Variants in DNER observed in about 807,000 individuals in gnomAD.
DNER encodes the protein delta and Notch-like epidermal growth factor-related receptor.
DNER carries 33 observed loss-of-function variants against 78.2 expected under a neutral mutation model. The ratio of observed to expected loss-of-function variants is 0.42; its 90% CI spans 0.32 to 0.56. DNER has a LOEUF of 0.56. Among genes scored for constraint, DNER ranks in the 20% least tolerant of loss-of-function variants. DNER has a pLI of 0.11. For missense variants in DNER, 918 were observed against 975.3 expected (o/e 0.94, Z 0.78); for synonymous variants, 417 against 384.8 (o/e 1.08, Z -0.98).
intron 5 of DNER, among the ~76,000 whole-genome samples, chr2:229,528,241 A>C (rs1247405967): frequency 6.6e-6 from 1 of 152,180 alleles, no homozygotes; most frequent in Non-Finnish European, 1.5e-5. Flanking sequence ...TCCTAGGATA[A>C]CAGGGTCAGG....
intron 1 of DNER, among the ~76,000 whole-genome samples, chr2:229,707,385 A>C (rs1183344730): frequency 6.6e-6 from 1 of 152,136 alleles, no homozygotes; most frequent in African/African-American, 2.4e-5. Context: ...TAAAAGCTAG[A>C]GCTACTGCAA....
Position 229,714,210 on chromosome 2 carries a change from G to C in DNER, c.214C>G (p.Pro72Ala), listed in dbSNP as rs1259067436. The C allele has an allele frequency of 2.2e-6, 3 of 1,388,284 alleles. No homozygotes were observed. In the African/African-American group the frequency reaches 4.5e-5, roughly 21 times the overall value. 86.0% of individuals were successfully genotyped at this position (1,388,284 alleles called of 1,614,324 possible). ...CAGCTGTAGCCAGGCTCGCCGGCGGGGGCCGGGTGCTGCGGGTCCGGCTCA... is the reference window on the plus strand; with the variant it reads ...CAGCTGTAGCCAGGCTCGCCGGCGGCGGCCGGGTGCTGCGGGTCCGGCTCA... ...RPEPDPQHPA[P>A]AGEPGYSCTC... Residue 72 changes from proline (P) to alanine (A), a missense_variant, in exon 1 of 13, where the codon CCC becomes GCC. Pro to Ala is a conservative substitution (Grantham distance 27). Transcript: ENST00000341772.
At chr2:229,395,060 G>A (rs771904149) in intron 10 of DNER, among the ~76,000 whole-genome samples, 4 of 152,240 alleles carry the variant, frequency 2.6e-5, no homozygotes, top group African/African-American at 9.6e-5. Context: ...AACCGTAAGA[G>A]TTATAAGCAG....
At position 229,358,500 on chromosome 2, in the gene DNER, T is replaced by G; in HGVS notation, c.*40A>C. Reference sequence around the variant, plus strand: ...ATTTTCTTAAAAATATTTAAATGAGTGTAGTATCTCATCTTTTTGAAAAAT... The same window carrying G: ...ATTTTCTTAAAAATATTTAAATGAGGGTAGTATCTCATCTTTTTGAAAAAT... On this transcript the variant is annotated 3_prime_UTR_variant, in exon 13 of 13. Coordinates refer to ENST00000341772, the MANE Select transcript of DNER (RefSeq NM_139072.4). 3 of 1,463,246 alleles carry G rather than the reference T, an allele frequency of 2.1e-6. No homozygotes were observed. The highest frequency in any genetic ancestry group is 2.8e-6 in the Non-Finnish European group (3 of 1,060,160). The allele number at this position is 1,463,246 out of a possible 1,614,324, so 90.6% of individuals were successfully genotyped here. A position where few individuals can be genotyped will look rare whatever the true frequency, so the allele number is the denominator to read the frequency against.
chr2:229,437,550 T>A (rs1168872563), intron 8 of DNER, among the ~76,000 whole-genome samples: 1 of 152,258 alleles, frequency 6.6e-6, no homozygotes, highest in South Asian at 2.1e-4. Flanking sequence ...ATTGGTGGTC[T>A]AATTGGGACT....
intron 8 of DNER, among the ~76,000 whole-genome samples, chr2:229,433,042 CA>C (rs1694044636): frequency 6.6e-6 from 1 of 152,114 alleles, no homozygotes; most frequent in Non-Finnish European, 1.5e-5. Flanking sequence ...TGAGTTCAAA[CA>C]ATTCTCCTGC....
At chr2:229,656,434 T>C (rs1698913168) in intron 1 of DNER, among the ~76,000 whole-genome samples, 1 of 152,084 alleles carries the variant, frequency 6.6e-6, no homozygotes, top group African/African-American at 2.4e-5. Flanking sequence ...TCTGGAAAAG[T>C]GCAAGGTGAG....
intron 7 of DNER, among the ~76,000 whole-genome samples, chr2:229,476,657 T>A (rs1695043260): frequency 6.6e-6 from 1 of 152,204 alleles, no homozygotes; most frequent in African/African-American, 2.4e-5. Context: ...TGTGATTATC[T>A]GCCTGCTTCT....
At chr2:229,667,025 C>A (rs1423678220) in intron 1 of DNER, among the ~76,000 whole-genome samples, 1 of 152,226 alleles carries the variant, frequency 6.6e-6, no homozygotes, top group South Asian at 2.1e-4. Context: ...CAGAGGGCCA[C>A]CTGGCATCGC....
intron 7 of DNER, among the ~76,000 whole-genome samples, chr2:229,465,503 G>A (rs1229801273): frequency 6.6e-6 from 1 of 152,028 alleles, no homozygotes; most frequent in Non-Finnish European, 1.5e-5. Flanking sequence ...GGGTTGATAG[G>A]TGCAGCAAAT....
intron 10 of DNER, among the ~76,000 whole-genome samples, chr2:229,400,015 C>T (rs1248102432): frequency 1.3e-5 from 2 of 151,906 alleles, no homozygotes; most frequent in East Asian, 3.9e-4. Context: ...TACATAAACA[C>T]AATACTCTAG....
chr2:229,689,450 G>A (rs1057132443), intron 1 of DNER, among the ~76,000 whole-genome samples: 3 of 152,156 alleles, frequency 2.0e-5, no homozygotes, highest in African/African-American at 7.2e-5. Flanking sequence ...TTAGCCAAGA[G>A]AAAAGAAGTG....
At chr2:229,631,495 C>A (rs1286591273) in intron 1 of DNER, among the ~76,000 whole-genome samples, 1 of 152,284 alleles carries the variant, frequency 6.6e-6, no homozygotes, top group Non-Finnish European at 1.5e-5. Context: ...GCTGATGGAG[C>A]TTTCTTGGGG....
intron 4 of DNER, among the ~76,000 whole-genome samples, chr2:229,578,881 G>T (rs1014612910): frequency 2.6e-5 from 4 of 152,180 alleles, no homozygotes; most frequent in Admixed American, 6.5e-5. Context: ...TCGAAGACTA[G>T]AAGATCCCTC....
At chr2:229,495,977 G>T (rs1695492823) in intron 6 of DNER, among the ~76,000 whole-genome samples, 1 of 152,162 alleles carries the variant, frequency 6.6e-6, no homozygotes, top group African/African-American at 2.4e-5. Context: ...AACCATGAGG[G>T]TATGACAGCT....
At chr2:229,618,555 C>T (rs1366457369) in intron 1 of DNER, among the ~76,000 whole-genome samples, 2 of 152,212 alleles carry the variant, frequency 1.3e-5, no homozygotes, top group Non-Finnish European at 2.9e-5. Flanking sequence ...CCTCGCAAAG[C>T]TGGTGCCCCG....
chr2:229,455,719 C>G (rs952861876), intron 7 of DNER, among the ~76,000 whole-genome samples: 1 of 152,006 alleles, frequency 6.6e-6, no homozygotes, highest in Non-Finnish European at 1.5e-5. Flanking sequence ...TGTACAGGCT[C>G]GAAAGGACAA....
chr2:229,477,029 A>G (rs1695051510), intron 7 of DNER, 111 bp downstream of exon 7: 1 of 811,506 alleles, frequency 1.2e-6, no homozygotes. Flanking sequence ...ATCAAACAAA[A>G]CAGGAAGTTC....
chr2:229,681,853 C>A (rs10198671), intron 1 of DNER, among the ~76,000 whole-genome samples: 19 of 146,936 alleles, frequency 1.3e-4, no homozygotes, highest in African/African-American at 5.2e-4. Context: ...CACACACACA[C>A]ACACACACAC....
Sources: allele counts gnomAD v4.1 joint callset (sites outside exome capture counted in the v4.1 genomes callset), GRCh38; gene constraint gnomAD v4.1.1; transcripts MANE v1.5; gene names NCBI Gene and HGNC (gene_info 2026-07-23, HGNC 2026-07-21).